PPARGC1A: variants seen among roughly 807,000 people sequenced by gnomAD.
The protein encoded by PPARGC1A is peroxisome proliferator-activated receptor gamma coactivator 1-alpha.
In PPARGC1A, 25 loss-of-function variants were observed where a neutral mutation model predicts 88.7. The observed-to-expected ratio is 0.28, with a 90% confidence interval of 0.21 to 0.39. The LOEUF (loss-of-function observed/expected upper bound fraction) is 0.39, where lower values mean the gene tolerates loss of function less well. Ranked by LOEUF, PPARGC1A falls within the 10% of genes least tolerant of loss-of-function variation. PPARGC1A has a pLI of 1.00. For missense variants in PPARGC1A, 880 were observed against 968.7 expected, an observed-to-expected ratio of 0.91 and a Z score of 1.22; for synonymous variants, 363 against 355.6, an observed-to-expected ratio of 1.02 and a Z score of -0.24.
chr4:24,011,390 C>T, the PPARGC1A span, among the ~76,000 whole-genome samples: 1 of 152,124 alleles, frequency 6.6e-6, no homozygotes, highest in Admixed American at 6.6e-5. Context: ...CACACTCACA[C>T]CCATGCATGC....
chr4:24,346,968 T>C, the PPARGC1A span, among the ~76,000 whole-genome samples: 6 of 152,294 alleles, frequency 3.9e-5, no homozygotes, highest in Non-Finnish European at 1.5e-5. Context: ...CGACAGGTTC[T>C]ATCATTATTG....
the PPARGC1A span, among the ~76,000 whole-genome samples, chr4:23,977,185 G>A: frequency 6.6e-6 from 1 of 152,152 alleles, no homozygotes; most frequent in East Asian, 1.9e-4. Flanking sequence ...TATTACTGCT[G>A]AAAAACCTTC....
chr4:24,064,000 G>A, the PPARGC1A span, among the ~76,000 whole-genome samples: 1 of 150,236 alleles, frequency 6.7e-6, no homozygotes, highest in African/African-American at 2.4e-5. Context: ...TCGAGACTCT[G>A]GAGTGGGCCA....
chr4:24,414,695 A>G, the PPARGC1A span, among the ~76,000 whole-genome samples: 1 of 152,218 alleles, frequency 6.6e-6, no homozygotes, highest in Admixed American at 6.5e-5. Flanking sequence ...TCAAGTATGC[A>G]GCTGGTGCTG....
chr4:24,123,918 A>AAAC, the PPARGC1A span, among the ~76,000 whole-genome samples: 1 of 151,578 alleles, frequency 6.6e-6, no homozygotes, highest in Non-Finnish European at 1.5e-5. Flanking sequence ...GGCAAAAAAA[A>AAAC]AAAAAAACAA....
At chr4:23,889,756 A>T in intron 1 of PPARGC1A, 148 bp downstream of exon 1, 1 of 935,904 alleles carries the variant, frequency 1.1e-6, no homozygotes. Context: ...ATTGGAGTTA[A>T]GATAAGATTG....
At chr4:23,889,810 T>A (rs1204914864) in intron 1 of PPARGC1A, 94 bp downstream of exon 1, 1 of 1,465,564 alleles carries the variant, frequency 6.8e-7, no homozygotes, top group Non-Finnish European at 9.2e-7. Context: ...TCCTGGCTCC[T>A]CTCTTTGCCC....
upstream of PPARGC1A, among the ~76,000 whole-genome samples, chr4:23,902,743 T>A (rs913421828): frequency 2.0e-5 from 3 of 152,152 alleles, no homozygotes; most frequent in Non-Finnish European, 4.4e-5. Flanking sequence ...GAGGGTAATA[T>A]TCACTTTAAT....
the PPARGC1A span, among the ~76,000 whole-genome samples, chr4:24,471,038 C>G: frequency 2.6e-5 from 4 of 151,348 alleles, no homozygotes; most frequent in African/African-American, 9.7e-5. This position sits in a 1 kb window ranked among gnomAD's most constrained non-coding sequence, Gnocchi z 5.4. Context: ...GCGCCAGCGC[C>G]GGCGAGCGCG....
At chr4:23,861,786 G>A (rs59664098) in intron 2 of PPARGC1A, among the ~76,000 whole-genome samples, 6,869 of 152,226 alleles carry the variant, frequency 0.045, 214 homozygotes, top group South Asian at 0.076. Context: ...GTAAGAAATT[G>A]TTTATTTGGG....
the PPARGC1A span, among the ~76,000 whole-genome samples, chr4:24,128,039 C>T: frequency 2.0e-5 from 3 of 152,166 alleles, no homozygotes; most frequent in Admixed American, 2.0e-4. Flanking sequence ...TGCATCTGCA[C>T]ACCATATGGG....
At chr4:24,233,935 G>A in the PPARGC1A span, among the ~76,000 whole-genome samples, 17 of 152,140 alleles carry the variant, frequency 1.1e-4, no homozygotes, top group Middle Eastern at 3.2e-3. Context: ...TATTGGGCAC[G>A]TAATTCAGAA....
chr4:24,159,887 G>A, the PPARGC1A span, among the ~76,000 whole-genome samples: 23 of 152,306 alleles, frequency 1.5e-4, no homozygotes, highest in Non-Finnish European at 2.8e-4. Flanking sequence ...AAGTCAGTGG[G>A]ACCATATAGT....
At chr4:24,134,195 C>A in the PPARGC1A span, among the ~76,000 whole-genome samples, 1 of 152,196 alleles carries the variant, frequency 6.6e-6, no homozygotes, top group Non-Finnish European at 1.5e-5. Context: ...TTGCAATAAA[C>A]CCCATATCAA....
chr4:24,034,085 A>C, the PPARGC1A span, among the ~76,000 whole-genome samples: 1 of 152,168 alleles, frequency 6.6e-6, no homozygotes, highest in Non-Finnish European at 1.5e-5. Context: ...TATCTGCTGG[A>C]CTTGCAAAAA....
chr4:24,407,269 T>C, the PPARGC1A span, among the ~76,000 whole-genome samples: 1 of 152,200 alleles, frequency 6.6e-6, no homozygotes, highest in African/African-American at 2.4e-5. Flanking sequence ...CATTTGAAAA[T>C]ATTTTCTTTA....
chr4:24,151,042 G>A, the PPARGC1A span, among the ~76,000 whole-genome samples: 1 of 152,156 alleles, frequency 6.6e-6, no homozygotes, highest in Non-Finnish European at 1.5e-5. Flanking sequence ...ACCATTCCCT[G>A]AAGTTTCTGC....
chr4:23,794,178 T>C lies in PPARGC1A; in HGVS notation c.*1644A>G, dbSNP rs1717114317. 6.6e-6 allele frequency: 1 copy of C among 152,596 alleles called. No individual in the cohort carries two copies. The highest frequency in any genetic ancestry group is 2.4e-5 in the African/African-American group (1 of 41,456). 9.5% of individuals were successfully genotyped at this position (152,596 alleles called of 1,614,324 possible). A position where few individuals can be genotyped will look rare whatever the true frequency, so the allele number is the denominator to read the frequency against. ...TCACAAAAATTAAAACAAAACAGCA[T>C]TTTAAAAAGATTTTTGACTTCTAGT... On this transcript the variant is annotated 3_prime_UTR_variant, in exon 13 of 13. Coordinates refer to ENST00000264867, the MANE Select transcript of PPARGC1A (RefSeq NM_013261.5).
the PPARGC1A span, among the ~76,000 whole-genome samples, chr4:24,083,552 C>T: frequency 2.0e-5 from 3 of 152,122 alleles, no homozygotes; most frequent in African/African-American, 7.2e-5. Flanking sequence ...TGATTATTTC[C>T]CCTGTGGCCA....
Sources: allele counts gnomAD v4.1 joint callset (sites outside exome capture counted in the v4.1 genomes callset), GRCh38; gene constraint gnomAD v4.1.1; non-coding constraint Gnocchi (gnomAD v3.1); transcripts MANE v1.5; gene names NCBI Gene and HGNC (gene_info 2026-07-23, HGNC 2026-07-21).